Variants in TRPC5 observed in about 807,000 individuals in gnomAD.
TRPC5 encodes transient receptor potential cation channel subfamily C member 5.
A neutral mutation model predicts 56.5 loss-of-function variants in TRPC5; 9 were observed. The ratio of observed to expected loss-of-function variants is 0.16; its 90% confidence interval spans 0.10 to 0.28. TRPC5 has a LOEUF of 0.28. Among genes scored for constraint, TRPC5 ranks in the 10% least tolerant of loss-of-function variants. The pLI is 1.00. For synonymous variants in TRPC5, 282 were observed against 278.5 expected (o/e 1.01, Z -0.13); for missense variants, 469 against 748.9 (o/e 0.63, Z 4.36).
At chrX:111,988,720 C>T (rs1416043142) in intron 1 of TRPC5, among the ~76,000 whole-genome samples, 2 of 110,937 alleles carry the variant, frequency 1.8e-5, no homozygotes, top group Non-Finnish European at 3.8e-5. Flanking sequence ...TATGATTTGC[C>T]TACTGTCCAA....
intron 5 of TRPC5, among the ~76,000 whole-genome samples, chrX:111,851,557 A>G (rs897747474): frequency 1.9e-5 from 2 of 104,185 alleles, no homozygotes; most frequent in Non-Finnish European, 2.0e-5. Context: ...ACATTATCTG[A>G]ATTGGTAGAG....
chrX:111,784,636 G>A (rs1198484444), intron 7 of TRPC5, among the ~76,000 whole-genome samples: 1 of 112,371 alleles, frequency 8.9e-6, no homozygotes, highest in Non-Finnish European at 1.9e-5. Flanking sequence ...CACCCAGGAA[G>A]CACAAGGGGT....
At chrX:111,924,695 T>C (rs1926213371) in intron 2 of TRPC5, among the ~76,000 whole-genome samples, 1 of 112,408 alleles carries the variant, frequency 8.9e-6, no homozygotes, top group Admixed American at 9.5e-5. Flanking sequence ...TTTTGTCACA[T>C]TCATTAAACA....
chrX:112,044,077 C>G (rs957683588), intron 1 of TRPC5, among the ~76,000 whole-genome samples: 1 of 111,513 alleles, frequency 9.0e-6, no homozygotes, highest in Non-Finnish European at 1.9e-5. Flanking sequence ...GATAGACTAG[C>G]AACTGTAAAC....
chrX:111,867,489 C>CCT (rs35155061), intron 3 of TRPC5, among the ~76,000 whole-genome samples: 17,087 of 110,684 alleles, frequency 0.15, 3,215 homozygotes, highest in African/African-American at 0.53. Context: ...AGAGGTGTGA[C>CCT]CTCTCTCCTT....
chrX:111,777,098 T>C (rs749797244), intron 10 of TRPC5, 96 bp from the exon 11 acceptor site: 12 of 668,980 alleles, frequency 1.8e-5, no homozygotes, highest in Non-Finnish European at 2.5e-5. Context: ...GGTTTTTGCC[T>C]AGTAGCAAAT....
intron 1 of TRPC5, among the ~76,000 whole-genome samples, chrX:111,960,379 A>G (rs1292837480): frequency 8.9e-6 from 1 of 112,278 alleles, no homozygotes; most frequent in African/African-American, 3.2e-5. Context: ...GGTTTGTATA[A>G]CCACTGACAT....
intron 2 of TRPC5, among the ~76,000 whole-genome samples, chrX:111,944,303 T>TGAAAGAGAGAGA (rs1556592296): frequency 3.3e-5 from 2 of 61,374 alleles, no homozygotes; most frequent in East Asian, 3.8e-4. Context: ...TGTGTGTGTG[T>TGAAAGAGAGAGA]GAGAGAGAGA....
chrX:111,781,596 C>T (rs1215131421), intron 8 of TRPC5, among the ~76,000 whole-genome samples: 1 of 112,054 alleles, frequency 8.9e-6, no homozygotes, highest in Non-Finnish European at 1.9e-5. Flanking sequence ...TGGTGGTGCT[C>T]GTCTGTAATC....
chrX:111,779,272 C>T (rs1176795386), intron 9 of TRPC5, among the ~76,000 whole-genome samples, 198 bp from the exon 10 acceptor site: 1 of 111,736 alleles, frequency 8.9e-6, no homozygotes, highest in African/African-American at 3.3e-5. Context: ...GTGGCAGAAT[C>T]AAATTAACCC....
At chrX:111,933,565 C>G (rs1926479835) in intron 2 of TRPC5, among the ~76,000 whole-genome samples, 1 of 110,996 alleles carries the variant, frequency 9.0e-6, no homozygotes, top group Non-Finnish European at 1.9e-5. Flanking sequence ...GGGGCTGTGG[C>G]AAAAAACAGA....
chrX:111,967,869 C>T (rs1327691870), intron 1 of TRPC5, among the ~76,000 whole-genome samples: 3 of 111,632 alleles, frequency 2.7e-5, no homozygotes, highest in African/African-American at 9.8e-5. Flanking sequence ...CCATAACAAC[C>T]CTAGAAGAAA....
intron 1 of TRPC5, among the ~76,000 whole-genome samples, chrX:112,018,204 A>AT (rs1172767908): frequency 3.6e-5 from 4 of 112,558 alleles, no homozygotes; most frequent in African/African-American, 6.5e-5. Context: ...TGTCAGCTCC[A>AT]TGAGGGCAGA....
chrX:111,914,789 TG>T (rs1925925532), intron 2 of TRPC5, among the ~76,000 whole-genome samples: 1 of 110,933 alleles, frequency 9.0e-6, no homozygotes, highest in South Asian at 3.8e-4. Flanking sequence ...TAGGTCTGAG[TG>T]GGTCTGGAAA....
chrX:111,849,465 T>C (rs1923022257), intron 5 of TRPC5, among the ~76,000 whole-genome samples: 1 of 112,278 alleles, frequency 8.9e-6, no homozygotes, highest in African/African-American at 3.2e-5. Context: ...GTAATCCTAA[T>C]GGAGCCCTAG....
rs745747257 is a variant in TRPC5 at position 111,873,770 on chromosome X, G to A, written c.901-19664C>T. 1.4e-4 allele frequency among the ~76,000 whole-genome samples: 15 copies of A among 109,933 alleles called. No homozygotes were observed. The South Asian group carries it at 5.5e-3, about 41-fold the overall frequency. On this transcript the variant is annotated intron_variant, in intron 3 of 10. Transcript: ENST00000262839. ...TTGCGCTGCAGCCTGGGCAACAAGA[G>A]CAAAATTTCGTCTCCAAATAAATAA...
intron 10 of TRPC5, among the ~76,000 whole-genome samples, chrX:111,778,208 A>T (rs1310333101): frequency 9.0e-6 from 1 of 111,500 alleles, no homozygotes. Context: ...TGATGGGTTG[A>T]TGGGTGCAGC....
At chrX:111,951,715 G>GA (rs1927091607) in intron 2 of TRPC5, among the ~76,000 whole-genome samples, 1 of 111,906 alleles carries the variant, frequency 8.9e-6, no homozygotes, top group Non-Finnish European at 1.9e-5. Flanking sequence ...CCTTTGAGTA[G>GA]AGGAGGAAAC....
intron 1 of TRPC5, among the ~76,000 whole-genome samples, chrX:111,999,621 T>C: frequency 8.9e-6 from 1 of 112,069 alleles, no homozygotes; most frequent in Non-Finnish European, 1.9e-5. Flanking sequence ...CCTTTCTTTT[T>C]GGTATGTACC....
Sources: gnomAD v4.1 joint callset for allele counts (sites outside exome capture counted in the v4.1 genomes callset) on GRCh38, gnomAD v4.1.1 for gene constraint, MANE v1.5 for transcripts, NCBI Gene and HGNC (gene_info 2026-07-23, HGNC 2026-07-21) for gene names.